Variants in RGS9 observed in about 807,000 individuals in gnomAD.
The protein encoded by RGS9 is regulator of G protein signaling 9.
In RGS9, 78 loss-of-function variants were observed where a neutral mutation model predicts 102.0. The observed-to-expected ratio is 0.76, with a 90% confidence interval of 0.64 to 0.92. The LOEUF (loss-of-function observed/expected upper bound fraction) is 0.92, where lower values mean the gene tolerates loss of function less well. Among genes scored for constraint, RGS9 ranks in the 40% least tolerant of loss-of-function variants. RGS9 has a pLI of 0.00. For missense variants in RGS9, 833 were observed against 866.1 expected (o/e 0.96, Z 0.48); for synonymous variants, 353 against 318.6 (o/e 1.11, Z -1.15).
chr17:65,192,079 T>A (rs544583060), intron 11 of RGS9, among the ~76,000 whole-genome samples: 3 of 152,340 alleles, frequency 2.0e-5, no homozygotes, highest in East Asian at 1.9e-4. Context: ...AAAAGTTTTT[T>A]AAATTGACAC....
intron 17 of RGS9, among the ~76,000 whole-genome samples, chr17:65,221,745 T>C (rs561949629): frequency 6.1e-4 from 93 of 152,152 alleles, no homozygotes; most frequent in East Asian, 3.9e-4. Flanking sequence ...AGATTCGGGG[T>C]CTGGTGGAGT....
intron 13 of RGS9, among the ~76,000 whole-genome samples, chr17:65,199,786 G>A (rs967288585): frequency 1.4e-4 from 21 of 151,818 alleles, no homozygotes; most frequent in Non-Finnish European, 2.4e-4. Context: ...GAGCCACTGC[G>A]CCTGGCCACG....
intron 9 of RGS9, among the ~76,000 whole-genome samples, chr17:65,186,241 GGC>G (rs1451045193): frequency 1.3e-5 from 2 of 151,418 alleles, no homozygotes; most frequent in Non-Finnish European, 2.9e-5. Flanking sequence ...CTGTGGCCGA[GGC>G]TGGAGTGCAG....
chr17:65,214,965 C>G (rs149130785), intron 17 of RGS9, among the ~76,000 whole-genome samples: 3 of 152,154 alleles, frequency 2.0e-5, no homozygotes, highest in Non-Finnish European at 2.9e-5. Context: ...TGCACTGTAT[C>G]GAAACATTGT....
At chr17:65,208,746 C>A (rs1476960072) in intron 16 of RGS9, among the ~76,000 whole-genome samples, 1 of 152,114 alleles carries the variant, frequency 6.6e-6, no homozygotes, top group East Asian at 1.9e-4. Context: ...AGTGACTGTT[C>A]CCCTGTTTGC....
At chr17:65,198,712 C>T (rs1166815888) in intron 13 of RGS9, among the ~76,000 whole-genome samples, 1 of 152,228 alleles carries the variant, frequency 6.6e-6, no homozygotes, top group East Asian at 1.9e-4. Context: ...CTGGGGGCAT[C>T]ACTCCTGAGC....
rs149739925 is a variant in RGS9 at position 65,199,759 on chromosome 17, G to A, written c.977-2234G>A. ...TCCACCCGCCTCGGCCTCCCAAAGT[G>A]CTGGGATTACAGGCGTGAGCCACTG... is the stretch of plus-strand genomic sequence containing the variant. On this transcript the variant is annotated intron_variant, in intron 13 of 18. Coordinates refer to ENST00000262406, the MANE Select transcript of RGS9 (RefSeq NM_003835.4). Among the ~76,000 whole-genome samples the A allele has an allele frequency of 9.5e-4, 145 of 152,244 alleles. 2 individuals are homozygous for A. The East Asian group carries it at 0.024, about 25-fold the overall frequency.
At position 65,137,731 on chromosome 17, in the gene RGS9, C is replaced by T. The variant is rs904760782; in HGVS notation, c.57+134C>T. ...TGTGCTGCTCGATTTTATTAAGTGA[C>T]TTCTTTGCTGTGTGTGTCGATATTG... On this transcript the variant is annotated intron_variant, in intron 1 of 18. Coordinates refer to ENST00000262406, the MANE Select transcript of RGS9 (RefSeq NM_003835.4). 9.3e-6 allele frequency: 7 copies of T among 752,850 alleles called. No individual in the cohort carries two copies. The African/African-American group carries it at 1.0e-4, about 11-fold the overall frequency. The allele number at this position is 752,850 out of a possible 1,614,324, so 46.6% of individuals were successfully genotyped here.
At chr17:65,181,171 C>T (rs1468524368) in intron 9 of RGS9, among the ~76,000 whole-genome samples, 2 of 152,118 alleles carry the variant, frequency 1.3e-5, no homozygotes, top group Non-Finnish European at 2.9e-5. Flanking sequence ...CCTAGTAATG[C>T]GATTGCTGGG....
intron 17 of RGS9, 66 bp from the exon 18 acceptor site, chr17:65,224,936 C>A: frequency 2.5e-6 from 4 of 1,602,866 alleles, no homozygotes; most frequent in Non-Finnish European, 3.4e-6. Flanking sequence ...CAGAGGACAG[C>A]CCAGGGGCCC....
chr17:65,227,389 C>T lies in RGS9; in HGVS notation c.2007C>T (p.Cys669=), dbSNP rs2144139885. Residue 669 remains cysteine (C), a synonymous_variant, in exon 19 of 19, where the codon TGC becomes TGT. Coordinates refer to ENST00000262406, the MANE Select transcript of RGS9 (RefSeq NM_003835.4). ...GDRATEKEVI[C]PWESL is the part of the protein sequence containing the mutation. ...GGGCCACAGAAAAGGAGGTCATCTG[C>T]CCCTGGGAGAGCCTGTAAGGAAAGA... 6.2e-7 allele frequency: 1 copy of T among 1,613,998 alleles called. No homozygotes were observed. The highest frequency in any genetic ancestry group is 8.5e-7 in the Non-Finnish European group (1 of 1,179,934).
Position 65,225,161 on chromosome 17 carries a change from C to T in RGS9, c.1567C>T (p.Pro523Ser), listed in dbSNP as rs1396598978. ...CCGGCGACCCAGCACCACCATCTGC[C>T]CCTCACCCATCAGAGTGGCCTTGGA... is the stretch of plus-strand genomic sequence containing the variant. ...FIRRPSTTICPSPIRVALESS... is the reference protein window; with the variant it reads ...FIRRPSTTICSSPIRVALESS... Residue 523 changes from proline (P) to serine (S), a missense_variant, in exon 18 of 19, where the codon CCC (proline) becomes TCC (serine). Physicochemically the swap from Pro to Ser is moderately conservative, Grantham distance 74. Coordinates refer to ENST00000262406, the MANE Select transcript of RGS9 (RefSeq NM_003835.4). The T allele has an allele frequency of 1.9e-6, 3 of 1,613,728 alleles. No homozygotes were observed. The highest frequency in any genetic ancestry group is 2.2e-5 in the South Asian group (2 of 91,078).
chr17:65,204,147 C>G lies in RGS9; in HGVS notation c.1065-16C>G, dbSNP rs753418798. 3.1e-6 allele frequency: 5 copies of G among 1,612,288 alleles called. No homozygotes were observed. The highest frequency in any genetic ancestry group is 2.2e-4 in the Middle Eastern group (1 of 4,560). On this transcript the variant is annotated splice_polypyrimidine_tract_variant and intron_variant, in intron 14 of 18. Transcript: ENST00000262406. ...TTGGTTTAGTTACTTTTGCTAACAT[C>G]TCCCTCCCACCCCAGGCTGTTCCTG...
chr17:65,145,736 C>T (rs1405842084), intron 1 of RGS9, among the ~76,000 whole-genome samples: 1 of 152,060 alleles, frequency 6.6e-6, no homozygotes, highest in African/African-American at 2.4e-5. Flanking sequence ...AAAGCAGTCA[C>T]AGTCTGAGGT....
At chr17:65,185,335 G>C (rs965936355) in intron 9 of RGS9, 3 of 152,296 alleles carry the variant, frequency 2.0e-5, no homozygotes, top group Admixed American at 2.0e-4. Flanking sequence ...CACAGATGGA[G>C]TTTTTTTAGA....
chr17:65,181,587 G>A (rs1270055674), intron 9 of RGS9, among the ~76,000 whole-genome samples: 1 of 152,224 alleles, frequency 6.6e-6, no homozygotes, highest in African/African-American at 2.4e-5. Context: ...AATACCTTGA[G>A]GCATACGGAA....
chr17:65,143,392 C>T (rs898169707), intron 1 of RGS9, among the ~76,000 whole-genome samples: 1 of 152,136 alleles, frequency 6.6e-6, no homozygotes, highest in Non-Finnish European at 1.5e-5. Flanking sequence ...AGATGTTCCA[C>T]GGAGGCAGGA....
chr17:65,163,525 G>T (rs1159727083), intron 7 of RGS9, among the ~76,000 whole-genome samples: 1 of 152,034 alleles, frequency 6.6e-6, no homozygotes, highest in Non-Finnish European at 1.5e-5. Flanking sequence ...TTGTTTTTGA[G>T]CATTTATGTG....
chr17:65,194,413 C>T (rs1430704819), intron 12 of RGS9, among the ~76,000 whole-genome samples: 1 of 152,002 alleles, frequency 6.6e-6, no homozygotes, highest in Non-Finnish European at 1.5e-5. Context: ...GGGTGTATAT[C>T]CAGGAGTGGA....
Sources: gnomAD v4.1 joint callset for allele counts (sites outside exome capture counted in the v4.1 genomes callset) on GRCh38, gnomAD v4.1.1 for gene constraint, MANE v1.5 for transcripts, NCBI Gene and HGNC (gene_info 2026-07-23, HGNC 2026-07-21) for gene names.